SASH1: variants seen among roughly 807,000 people sequenced by gnomAD.
The protein encoded by SASH1 is SAM and SH3 domain containing 1.
SASH1 carries 44 observed loss-of-function variants against 125.2 expected under a neutral mutation model. The observed-to-expected ratio is 0.35, with a 90% CI of 0.28 to 0.45. The LOEUF is 0.45. Among genes scored for constraint, SASH1 ranks in the 20% least tolerant of loss-of-function variants. The probability of loss-of-function intolerance (pLI) is 1.00; values close to 1 mark genes in which losing one functional copy is unlikely to be tolerated. For missense variants in SASH1, 1,426 were observed against 1,614.5 expected, an observed-to-expected ratio of 0.88 and a Z score of 2.00; for synonymous variants, 639 against 649.1, an observed-to-expected ratio of 0.98 and a Z score of 0.24.
intron 8 of SASH1, chr6:148,508,813 G>C (rs981852681): frequency 1.4e-6 from 1 of 692,788 alleles, no homozygotes; most frequent in Non-Finnish European, 2.2e-6. Context: ...TCCGAGTGGG[G>C]AGGGGGGTGG....
chr6:148,537,776 C>CTGTGTGTGTGTGTGTGTGTG (rs55644027), intron 16 of SASH1, among the ~76,000 whole-genome samples: 28 of 125,686 alleles, frequency 2.2e-4, no homozygotes, highest in South Asian at 3.3e-4. Context: ...TTAGCATATT[C>CTGTGTGTGTGTGTGTGTGTG]TGTGTGTGTG....
the SASH1 span, among the ~76,000 whole-genome samples, chr6:148,200,481 G>A: frequency 6.6e-6 from 1 of 152,162 alleles, no homozygotes; most frequent in Admixed American, 6.5e-5. Context: ...GGCGACCTCT[G>A]CTGTGTTTCT....
At chr6:148,311,203 T>C (rs1780319072) in intron 1 of SASH1, among the ~76,000 whole-genome samples, 1 of 151,700 alleles carries the variant, frequency 6.6e-6, no homozygotes, top group South Asian at 2.1e-4. Flanking sequence ...GCCTCCCAGG[T>C]TCAAGCGATT....
At chr6:148,416,640 C>T (rs114968091) in intron 2 of SASH1, among the ~76,000 whole-genome samples, 5 of 152,288 alleles carry the variant, frequency 3.3e-5, no homozygotes, top group African/African-American at 1.2e-4. Context: ...ACACACGCCA[C>T]CAGCTCAGAA....
intron 1 of SASH1, among the ~76,000 whole-genome samples, chr6:148,293,582 G>A (rs933482182): frequency 2.6e-5 from 4 of 152,124 alleles, no homozygotes; most frequent in Non-Finnish European, 5.9e-5. Context: ...GGGCAGAGTC[G>A]GAGCCAGAGA....
intron 4 of SASH1, among the ~76,000 whole-genome samples, chr6:148,452,849 C>CT (rs1777169394): frequency 6.6e-6 from 1 of 152,198 alleles, no homozygotes. Context: ...CCCACATGAC[C>CT]TTTCGTTTCT....
At chr6:148,237,337 G>T in the SASH1 span, among the ~76,000 whole-genome samples, 1 of 151,994 alleles carries the variant, frequency 6.6e-6, no homozygotes, top group African/African-American at 2.4e-5. Flanking sequence ...ATTCTTCCTT[G>T]TTCCAGCATA....
At chr6:148,293,659 G>T (rs1460430905) in intron 1 of SASH1, among the ~76,000 whole-genome samples, 16 of 152,268 alleles carry the variant, frequency 1.1e-4, no homozygotes, top group Non-Finnish European at 1.0e-4. Context: ...CTGATGCCAG[G>T]ATCTAAATTT....
intron 1 of SASH1, among the ~76,000 whole-genome samples, chr6:148,371,617 A>G (rs1402459658): frequency 3.9e-5 from 6 of 151,942 alleles, no homozygotes; most frequent in African/African-American, 1.2e-4. Context: ...TCAGGTCCCC[A>G]CTGCCACTCT....
chr6:148,547,308 G>A (rs1782631393), intron 19 of SASH1, among the ~76,000 whole-genome samples: 1 of 152,204 alleles, frequency 6.6e-6, no homozygotes. Context: ...TGGTGGTGTA[G>A]GCAGCGTGGA....
At chr6:148,442,252 C>T (rs1465448067) in intron 4 of SASH1, among the ~76,000 whole-genome samples, 1 of 151,148 alleles carries the variant, frequency 6.6e-6, no homozygotes, top group Non-Finnish European at 1.5e-5. Flanking sequence ...CCCAGCCCCC[C>T]CAAAATTAGC....
chr6:148,482,163 C>A (rs1466065613), intron 7 of SASH1, among the ~76,000 whole-genome samples: 2 of 151,962 alleles, frequency 1.3e-5, no homozygotes, highest in African/African-American at 4.8e-5. Context: ...ATGTTTAAAG[C>A]CTTGGATAAA....
At chr6:148,352,738 G>A (rs1015898061) in intron 1 of SASH1, among the ~76,000 whole-genome samples, 1 of 151,976 alleles carries the variant, frequency 6.6e-6, no homozygotes, top group Non-Finnish European at 1.5e-5. Context: ...TTGGGAGGCC[G>A]AGGCAGGTGG....
the SASH1 span, among the ~76,000 whole-genome samples, chr6:148,206,793 GCACACACA>G: frequency 2.7e-4 from 37 of 134,562 alleles, no homozygotes; most frequent in East Asian, 2.7e-3. Flanking sequence ...CCATCTCAAA[GCACACACA>G]CACACACACA....
chr6:148,399,123 C>T (rs17635148), intron 2 of SASH1, among the ~76,000 whole-genome samples: 5,521 of 151,268 alleles, frequency 0.036, 138 homozygotes, highest in Middle Eastern at 0.065. Flanking sequence ...TGTGCACTTG[C>T]GGAAACCACC....
chr6:148,477,366 G>GA (rs1372727586), intron 7 of SASH1, among the ~76,000 whole-genome samples: 1 of 151,824 alleles, frequency 6.6e-6, no homozygotes, highest in Non-Finnish European at 1.5e-5. Context: ...AACTCAATAG[G>GA]AAAAAAAATC....
chr6:148,481,297 T>TC (rs1302829274), intron 7 of SASH1, among the ~76,000 whole-genome samples: 1 of 152,208 alleles, frequency 6.6e-6, no homozygotes, highest in East Asian at 1.9e-4. Context: ...GTTCTGATCT[T>TC]CTACGCAGAC....
the SASH1 span, among the ~76,000 whole-genome samples, chr6:148,218,311 C>T: frequency 4.6e-5 from 7 of 152,132 alleles, no homozygotes; most frequent in African/African-American, 1.2e-4. Context: ...AGCTAGTAAA[C>T]ACATCGCCAC....
the SASH1 span, among the ~76,000 whole-genome samples, chr6:148,246,365 G>A: frequency 8.5e-5 from 13 of 152,330 alleles, no homozygotes; most frequent in African/African-American, 2.9e-4. Flanking sequence ...TTTTAAGGTA[G>A]TGGGGTAATG....
Sources: gnomAD v4.1 joint callset for allele counts (sites outside exome capture counted in the v4.1 genomes callset) on GRCh38, gnomAD v4.1.1 for gene constraint, MANE v1.5 for transcripts, NCBI Gene and HGNC (gene_info 2026-07-23, HGNC 2026-07-21) for gene names.